UBE2V2: variants seen among roughly 807,000 people sequenced by gnomAD.
UBE2V2 encodes the protein ubiquitin conjugating enzyme E2 V2, also known as ubiquitin-conjugating enzyme E2 variant 2.
A neutral mutation model predicts 17.2 loss-of-function variants in UBE2V2; 9 were observed. The observed-to-expected ratio is 0.52, with a 90% CI of 0.32 to 0.91. The LOEUF (loss-of-function observed/expected upper bound fraction) is 0.91. UBE2V2 is among the 40% of genes least tolerant of loss of function. The pLI, the probability that UBE2V2 is intolerant of heterozygous loss-of-function variation, is 0.04. For synonymous variants in UBE2V2, 61 were observed against 57.5 expected (o/e 1.06, Z -0.28); for missense variants, 133 against 182.6 (o/e 0.73, Z 1.56).
Position 48,034,128 on chromosome 8 carries a change from C to CTTTTTTTTTTTTT in UBE2V2, c.17-8893_17-8892insTTTTTTTTTTTTT, listed in dbSNP as rs895844431. Among the ~76,000 whole-genome samples, 41 of 136,292 alleles carry CTTTTTTTTTTTTT rather than the reference C, an allele frequency of 3.0e-4. 1 individual carries two copies. Among genetic ancestry groups the CTTTTTTTTTTTTT allele is most frequent in the African/African-American group, 1.2e-3 (40 of 33,442 alleles). 89.4% of individuals were successfully genotyped at this position (136,292 alleles called of 152,430 possible). A position where few individuals can be genotyped will look rare whatever the true frequency, so the allele number is the denominator to read the frequency against. On this transcript the variant is annotated intron_variant, in intron 1 of 3. Coordinates refer to ENST00000523111, the MANE Select transcript of UBE2V2 (RefSeq NM_003350.3). ...AATATTTGACCTCTGTTTTCTTTTC[C>CTTTTTTTTTTTTT]TTTTTTTTTTTTGAGATGGAGTCTC...
intron 3 of UBE2V2, chr8:48,050,192 T>C: frequency 3.0e-6 from 1 of 331,848 alleles, no homozygotes; most frequent in Non-Finnish European, 5.4e-6. Flanking sequence ...AACCTTAATG[T>C]ACTTGCCTAG....
At chr8:48,010,236 G>A (rs1366702080) in intron 1 of UBE2V2, among the ~76,000 whole-genome samples, 3 of 149,948 alleles carry the variant, frequency 2.0e-5, no homozygotes, top group Admixed American at 2.0e-4. Context: ...TAGGGAGTCT[G>A]TATTTTTTTT....
chr8:48,012,216 A>G (rs1289169245), intron 1 of UBE2V2, among the ~76,000 whole-genome samples: 4 of 152,052 alleles, frequency 2.6e-5, no homozygotes. Context: ...AGACTCTTAG[A>G]TCCTTCTTAT....
intron 2 of UBE2V2, chr8:48,043,408 T>C (rs1469584532): frequency 3.0e-6 from 1 of 330,906 alleles, no homozygotes; most frequent in Non-Finnish European, 5.3e-6. Context: ...AGTTTTGCAG[T>C]TTAGTAAGGG....
chr8:48,016,616 G>A (rs1237089086), intron 1 of UBE2V2, among the ~76,000 whole-genome samples: 1 of 151,794 alleles, frequency 6.6e-6, no homozygotes, highest in Non-Finnish European at 1.5e-5. Context: ...CCGAGTAGCT[G>A]GGATTACAGC....
chr8:48,008,440 G>T lies in UBE2V2; in HGVS notation c.-15G>T. 1.3e-6 allele frequency: 2 copies of T among 1,565,530 alleles called. No homozygotes were observed. Among genetic ancestry groups the T allele is most frequent in the Non-Finnish European group, 8.6e-7 (1 of 1,158,370 alleles). On this transcript the variant is annotated 5_prime_UTR_variant, in exon 1 of 4. Transcript: ENST00000523111. ...GTGCGTGCGTGCGGGCGGCTGCGTC[G>T]GGCTGCAGGAGAAGATGGCGGTCTC...
intron 2 of UBE2V2, among the ~76,000 whole-genome samples, chr8:48,047,767 C>T (rs1057177363): frequency 1.5e-4 from 23 of 151,928 alleles, no homozygotes; most frequent in African/African-American, 4.8e-4. Flanking sequence ...AGGCTGGTCT[C>T]GAACTCCTGA....
intron 1 of UBE2V2, chr8:48,035,178 C>G: frequency 1.1e-6 from 1 of 941,534 alleles, no homozygotes; most frequent in South Asian, 4.9e-5. Context: ...TGCAGTGGCA[C>G]AATCTCAGCT....
At chr8:48,014,453 G>T (rs1050419540) in intron 1 of UBE2V2, among the ~76,000 whole-genome samples, 1 of 151,612 alleles carries the variant, frequency 6.6e-6, no homozygotes, top group African/African-American at 2.4e-5. Flanking sequence ...AGACCATCCT[G>T]GCTAACACAG....
chr8:48,007,741 CTT>C (rs5891259), upstream of UBE2V2, among the ~76,000 whole-genome samples: 770 of 144,176 alleles, frequency 5.3e-3, 26 homozygotes, highest in Admixed American at 0.046. Context: ...TTCTTTCTTT[CTT>C]TTTTTTTTTT....
chr8:48,026,882 C>T lies in UBE2V2; in HGVS notation c.17-16151C>T, dbSNP rs1289543218. Among the ~76,000 whole-genome samples, 4 of 152,216 alleles carry T rather than the reference C, an allele frequency of 2.6e-5. No homozygotes were observed. The South Asian group carries it at 6.2e-4, about 24-fold the overall frequency. On this transcript the variant is annotated intron_variant, in intron 1 of 3. Transcript: ENST00000523111. ...AGGCTGCTGTAAACATTTATGTACA[C>T]GTTCCACCCCCGCCCCGCTTGAGTA...
At chr8:48,022,722 A>G (rs1479787621) in intron 1 of UBE2V2, among the ~76,000 whole-genome samples, 1 of 151,998 alleles carries the variant, frequency 6.6e-6, no homozygotes, top group East Asian at 1.9e-4. Context: ...TGCTTGCCTG[A>G]GAAAGTCTTT....
In UBE2V2 at chr8:48,041,173, G is replaced by GTTT. The variant is rs1022135692; in HGVS notation, c.17-1846_17-1844dup. On this transcript the variant is annotated intron_variant, in intron 1 of 3. Coordinates refer to ENST00000523111, the MANE Select transcript of UBE2V2 (RefSeq NM_003350.3). ...GCCACTGTGCCCGGCCTTTTTTGTTGTTTTTTTTTTTTTTTTAAGACAGAG... is the reference window on the plus strand; with the variant it reads ...GCCACTGTGCCCGGCCTTTTTTGTTGTTTTTTTTTTTTTTTTTTTAAGACAGAG... 4.1e-3 allele frequency among the ~76,000 whole-genome samples: 485 copies of GTTT among 117,368 alleles called. 8 individuals are homozygous for GTTT. The highest frequency in any genetic ancestry group is 0.014 in the African/African-American group (448 of 32,574). 77.0% of individuals were successfully genotyped at this position (117,368 alleles called of 152,430 possible).
chr8:48,028,444 T>A (rs890008955), intron 1 of UBE2V2, among the ~76,000 whole-genome samples: 1 of 151,096 alleles, frequency 6.6e-6, no homozygotes. Context: ...GTTCAAGCAA[T>A]TCTCCTGCCT....
At chr8:48,008,383 G>A (rs745717614), upstream of UBE2V2, 9 of 1,540,618 alleles carry the variant, frequency 5.8e-6, no homozygotes, top group Non-Finnish European at 7.0e-6. Context: ...CGTGCAGGGC[G>A]GCGCGCTCCC....
rs1366109829 is a variant in UBE2V2, at chr8:48,061,683, G to T, written c.*855G>T. On this transcript the variant is annotated 3_prime_UTR_variant, in exon 4 of 4. Coordinates refer to ENST00000523111, the MANE Select transcript of UBE2V2 (RefSeq NM_003350.3). Reference sequence around the variant, plus strand: ...TACACACTTTTATTTACCCTATTTTGTGTACTTCTTGTGAATTATAATTTG... The same window carrying T: ...TACACACTTTTATTTACCCTATTTTTTGTACTTCTTGTGAATTATAATTTG... 1.3e-5 allele frequency: 2 copies of T among 152,430 alleles called. No individual in the cohort carries two copies. The highest frequency in any genetic ancestry group is 4.8e-5 in the African/African-American group (2 of 41,404). 9.4% of individuals were successfully genotyped at this position (152,430 alleles called of 1,614,324 possible).
chr8:48,032,997 A>G (rs1463240724), intron 1 of UBE2V2, among the ~76,000 whole-genome samples: 1 of 151,978 alleles, frequency 6.6e-6, no homozygotes, highest in Non-Finnish European at 1.5e-5. Context: ...AGGATGGCAG[A>G]CCCACTCAGC....
At chr8:48,030,364 T>C (rs2091374453) in intron 1 of UBE2V2, among the ~76,000 whole-genome samples, 1 of 152,202 alleles carries the variant, frequency 6.6e-6, no homozygotes, top group African/African-American at 2.4e-5. Flanking sequence ...CATCATTTTC[T>C]ATGGTACAGT....
chr8:48,037,068 A>G (rs1380680708), intron 1 of UBE2V2, among the ~76,000 whole-genome samples: 1 of 152,168 alleles, frequency 6.6e-6, no homozygotes, highest in East Asian at 1.9e-4. Flanking sequence ...AATCCCAGCT[A>G]CTTGGAAGGC....
Sources: allele counts gnomAD v4.1 joint callset (sites outside exome capture counted in the v4.1 genomes callset), GRCh38; gene constraint gnomAD v4.1.1; transcripts MANE v1.5; gene names NCBI Gene and HGNC (gene_info 2026-07-23, HGNC 2026-07-21).